The following DCUN1D1 variants were observed in gnomAD, a reference collection of about 807,000 sequenced individuals.
DCUN1D1 encodes defective in cullin neddylation 1 domain containing 1, also known as DCN1-like protein 1.
DCUN1D1 carries 3 observed loss-of-function variants against 39.0 expected under a neutral mutation model. The observed-to-expected ratio is 0.08, with a 90% CI of 0.04 to 0.20. DCUN1D1 has a LOEUF of 0.20. Ranked by LOEUF, DCUN1D1 falls within the 10% of genes least tolerant of loss-of-function variation. The pLI, the probability that DCUN1D1 is intolerant of heterozygous loss-of-function variation, is 1.00. For missense variants in DCUN1D1, 158 were observed against 302.4 expected, an observed-to-expected ratio of 0.52 and a Z score of 3.54; for synonymous variants, 82 against 96.3, an observed-to-expected ratio of 0.85 and a Z score of 0.87.
At chr3:182,975,428 A>G (rs544614778) in intron 1 of DCUN1D1, among the ~76,000 whole-genome samples, 13 of 152,102 alleles carry the variant, frequency 8.5e-5, no homozygotes, top group South Asian at 8.3e-4. Flanking sequence ...CGCCCGCCTC[A>G]GCCCCCCGAA....
intron 3 of DCUN1D1, among the ~76,000 whole-genome samples, chr3:182,962,023 T>C (rs1268528475): frequency 6.6e-5 from 10 of 152,236 alleles, no homozygotes; most frequent in African/African-American, 2.4e-4. Flanking sequence ...AATTCAATTT[T>C]TTTCCTTCTA....
upstream of DCUN1D1, among the ~76,000 whole-genome samples, chr3:182,982,803 C>T (rs1053860635): frequency 1.3e-5 from 2 of 152,082 alleles, no homozygotes; most frequent in African/African-American, 4.8e-5. Flanking sequence ...TGCCACCATG[C>T]CCAGCTACTT....
chr3:182,963,851 T>C (rs1727526503), intron 3 of DCUN1D1, 30 bp downstream of exon 3: 1 of 1,516,108 alleles, frequency 6.6e-7, no homozygotes, highest in Non-Finnish European at 9.0e-7. Flanking sequence ...CAGTAACATA[T>C]CTAATTTCCT....
At chr3:182,977,475 C>T (rs1017529495) in intron 1 of DCUN1D1, among the ~76,000 whole-genome samples, 2 of 152,008 alleles carry the variant, frequency 1.3e-5, no homozygotes, top group African/African-American at 2.4e-5. Context: ...GTCTCGCTCT[C>T]GCCCAGGCTG....
intron 1 of DCUN1D1, among the ~76,000 whole-genome samples, chr3:182,972,285 G>A (rs73066921): frequency 0.031 from 4,734 of 151,526 alleles, 243 homozygotes; most frequent in African/African-American, 0.11. Context: ...GAAACTCAGA[G>A]AAAATACAAA....
chr3:182,954,224 GA>G (rs754967481), intron 4 of DCUN1D1, among the ~76,000 whole-genome samples: 3 of 152,256 alleles, frequency 2.0e-5, no homozygotes, highest in East Asian at 1.9e-4. Context: ...GAGATATAAA[GA>G]AAACGTGGTA....
intron 1 of DCUN1D1, among the ~76,000 whole-genome samples, chr3:182,972,146 GTATT>G (rs1399507328): frequency 7.2e-6 from 1 of 138,036 alleles, no homozygotes. Context: ...AAAGAAAAAT[GTATT>G]TATAGTCCTG....
In DCUN1D1 at chr3:182,940,548, A is replaced by G. The variant is rs1374310922; in HGVS notation, c.*4546T>C. 1 of 152,208 alleles carries G rather than the reference A, an allele frequency of 6.6e-6. No individual in the cohort carries two copies. The highest frequency in any genetic ancestry group is 1.5e-5 in the Non-Finnish European group (1 of 68,038). The allele number at this position is 152,208 out of a possible 1,614,324, so 9.4% of individuals were successfully genotyped here. A position where few individuals can be genotyped will look rare whatever the true frequency, so the allele number is the denominator to read the frequency against. On this transcript the variant is annotated 3_prime_UTR_variant, in exon 7 of 7. Coordinates refer to ENST00000292782, the MANE Select transcript of DCUN1D1 (RefSeq NM_020640.4). ...AAGAGGTAACAGTCCCTCTAAAGCC[A>G]ATCATTAAAAAAAATTTTTTTAACT...
In DCUN1D1 at chr3:182,963,925, G is replaced by A; in HGVS notation, c.345C>T (p.Cys115=). 5 of 1,612,962 alleles carry A rather than the reference G, an allele frequency of 3.1e-6. No individual in the cohort carries two copies. Among genetic ancestry groups the A allele is most frequent in the Middle Eastern group, 1.7e-4 (1 of 6,058 alleles). ...IAWKFRAATQ[C]EFSKQEFMDG... ...CCATGAACTCCTGTTTGGAGAACTC[G>A]CACTGTGTTGCTGCTCTGAACTTCC... Residue 115 remains cysteine, a synonymous_variant, in exon 3 of 7, where the codon TGC becomes TGT. Coordinates refer to ENST00000292782, the MANE Select transcript of DCUN1D1 (RefSeq NM_020640.4).
rs535159702 is a variant in DCUN1D1 at position 182,940,821 on chromosome 3, A to C, written c.*4273T>G. On this transcript the variant is annotated 3_prime_UTR_variant, in exon 7 of 7. Coordinates refer to ENST00000292782, the MANE Select transcript of DCUN1D1 (RefSeq NM_020640.4). ...TCATGAAGCACTTGTAAGTAAATAG[A>C]AAATTGGGCTATACTTAAAAACACT... The C allele has an allele frequency of 1.3e-5, 2 of 152,330 alleles. No homozygotes were observed. The highest frequency in any genetic ancestry group is 3.9e-4 in the East Asian group (2 of 5,194). 9.4% of individuals were successfully genotyped at this position (152,330 alleles called of 1,614,324 possible).
chr3:182,962,607 TCTC>T (rs1003170116), intron 3 of DCUN1D1, among the ~76,000 whole-genome samples: 28 of 152,114 alleles, frequency 1.8e-4, no homozygotes, highest in Admixed American at 1.1e-3. Context: ...CTTGTGGGGA[TCTC>T]CTAAGCTTCT....
At chr3:182,971,398 G>T (rs1429775063) in intron 1 of DCUN1D1, among the ~76,000 whole-genome samples, 3 of 151,872 alleles carry the variant, frequency 2.0e-5, no homozygotes, top group Non-Finnish European at 4.4e-5. Flanking sequence ...GACCTCATCT[G>T]TATTAAAATT....
chr3:182,942,219 TGTA>T lies in DCUN1D1; in HGVS notation c.*2872_*2874del, dbSNP rs1367532621. 1 of 152,154 alleles carries T rather than the reference TGTA, an allele frequency of 6.6e-6. No homozygotes were observed. Among genetic ancestry groups the T allele is most frequent in the Non-Finnish European group, 1.5e-5 (1 of 68,006 alleles). The allele number at this position is 152,154 out of a possible 1,614,324, so 9.4% of individuals were successfully genotyped here. On this transcript the variant is annotated 3_prime_UTR_variant, in exon 7 of 7. Transcript: ENST00000292782. ...CCAGTATAGTTGTAAACATCTTAAA[TGTA>T]GTAAACAAGACTTGGCATGTCTTTT...
intron 1 of DCUN1D1, among the ~76,000 whole-genome samples, chr3:182,973,208 C>CTA (rs1296509834): frequency 6.6e-6 from 1 of 152,098 alleles, no homozygotes; most frequent in Non-Finnish European, 1.5e-5. Flanking sequence ...AAGAGAGCTA[C>CTA]TAAGTGACTA....
chr3:182,943,290 GT>G lies in DCUN1D1; in HGVS notation c.*1803del, dbSNP rs1287011947. On this transcript the variant is annotated 3_prime_UTR_variant, in exon 7 of 7. Transcript: ENST00000292782. ...CTTTTAAAAATTTTTCATAATTGAA[GT>G]TCCTCTTTATATTTACAAAAAAATC... is the stretch of plus-strand genomic sequence containing the variant. 6.7e-6 allele frequency: 1 copy of G among 149,982 alleles called. No homozygotes were observed. The highest frequency in any genetic ancestry group is 2.4e-5 in the African/African-American group (1 of 40,914). The allele number at this position is 149,982 out of a possible 1,614,324, so 9.3% of individuals were successfully genotyped here.
At chr3:182,975,469 C>T (rs926653924) in intron 1 of DCUN1D1, among the ~76,000 whole-genome samples, 6 of 151,808 alleles carry the variant, frequency 4.0e-5, no homozygotes, top group African/African-American at 1.2e-4. Flanking sequence ...AGCCACCGCG[C>T]CCAGCCAAAA....
intron 4 of DCUN1D1, among the ~76,000 whole-genome samples, chr3:182,953,970 G>C (rs1238677795): frequency 6.6e-6 from 1 of 152,192 alleles, no homozygotes; most frequent in African/African-American, 2.4e-5. Context: ...GAAATGAATT[G>C]AGACTAGACC....
rs989030612 is a variant in DCUN1D1 at position 182,942,160 on chromosome 3, T to C, written c.*2934A>G. On this transcript the variant is annotated 3_prime_UTR_variant, in exon 7 of 7. Transcript: ENST00000292782. ...GGAAGGACATGTACTTATAATGCCA[T>C]ATTATGCAAGTACAGTATTGTTAAT... The C allele has an allele frequency of 2.0e-5, 3 of 152,156 alleles. No homozygotes were observed. Among genetic ancestry groups the C allele is most frequent in the Admixed American group, 2.0e-4 (3 of 15,256 alleles). The allele number at this position is 152,156 out of a possible 1,614,324, so 9.4% of individuals were successfully genotyped here.
intron 2 of DCUN1D1, 81 bp downstream of exon 2, chr3:182,965,456 T>C (rs924879114): frequency 1.3e-5 from 11 of 835,056 alleles, no homozygotes; most frequent in South Asian, 1.0e-4. Flanking sequence ...TTAAGTTATA[T>C]ATAGTATTTC....
Sources: allele counts gnomAD v4.1 joint callset (sites outside exome capture counted in the v4.1 genomes callset), GRCh38; gene constraint gnomAD v4.1.1; transcripts MANE v1.5; gene names NCBI Gene and HGNC (gene_info 2026-07-23, HGNC 2026-07-21).